Variants in AKAP13 observed in about 807,000 individuals in gnomAD.
AKAP13 encodes A-kinase anchor protein 13.
Under a neutral mutation model 264.5 loss-of-function variants are expected in AKAP13, and 80 were observed. The observed-to-expected ratio is 0.30, with a 90% CI of 0.25 to 0.36. The LOEUF (loss-of-function observed/expected upper bound fraction) is 0.36, where lower values mean the gene tolerates loss of function less well. Ranked by LOEUF, AKAP13 falls within the 10% of genes least tolerant of loss-of-function variation. The pLI, the probability that AKAP13 is intolerant of heterozygous loss-of-function variation, is 1.00. For missense variants in AKAP13, 3,712 were observed against 3,435.2 expected (o/e 1.08, Z -2.01); for synonymous variants, 1,380 against 1,250.2 (o/e 1.10, Z -2.19).
chr15:85,528,631 T>C (rs1428189713), intron 3 of AKAP13, among the ~76,000 whole-genome samples: 1 of 152,174 alleles, frequency 6.6e-6, no homozygotes, highest in Non-Finnish European at 1.5e-5. Flanking sequence ...GCAGTGGAGC[T>C]GGAGTTCAAA....
At chr15:85,650,207 A>T (rs1207453328) in intron 10 of AKAP13, among the ~76,000 whole-genome samples, 1 of 152,178 alleles carries the variant, frequency 6.6e-6, no homozygotes, top group Non-Finnish European at 1.5e-5. Flanking sequence ...AAGTGGGAGG[A>T]CTGCTTGAGT....
Position 85,645,872 on chromosome 15 carries a change from G to A in AKAP13, c.4292G>A (p.Gly1431Asp), listed in dbSNP as rs1283022992. 6.2e-7 allele frequency: 1 copy of A among 1,613,004 alleles called. No individual in the cohort carries two copies. The highest frequency in any genetic ancestry group is 8.5e-7 in the Non-Finnish European group (1 of 1,179,652). The part of the protein sequence containing the change: ...GLGRECTSKQ[G>D]VLKRESGSDS... ...GGCAGAGAGTGTACCTCAAAACAAG[G>A]TGTACTTAAAAGAGAATCTGGGAGT... The change falls in exon 10 of 37, where the codon GGT becomes GAT. Residue 1431 changes from glycine to aspartate, a missense_variant. By Grantham distance (94) the Gly-to-Asp change is moderately conservative. Coordinates refer to ENST00000394518, the MANE Select transcript of AKAP13 (RefSeq NM_007200.5).
At chr15:85,649,178 A>G (rs1192894997) in intron 10 of AKAP13, among the ~76,000 whole-genome samples, 4 of 152,224 alleles carry the variant, frequency 2.6e-5, no homozygotes, top group South Asian at 2.1e-4. Context: ...AACCCTGACA[A>G]GTGGGTGGTT....
At chr15:85,436,852 A>G (rs1196762997) in intron 1 of AKAP13, among the ~76,000 whole-genome samples, 26 of 152,114 alleles carry the variant, frequency 1.7e-4, no homozygotes. Context: ...CTAAATGCCC[A>G]CAAGAGAAAG....
At chr15:85,455,433 T>G (rs1399652587) in intron 1 of AKAP13, among the ~76,000 whole-genome samples, 2 of 152,192 alleles carry the variant, frequency 1.3e-5, no homozygotes, top group African/African-American at 4.8e-5. Context: ...CTTCTCTAAA[T>G]TCCTAGATTT....
chr15:85,512,414 C>CTATAGGAGAAAGGG lies in AKAP13; in HGVS notation c.34-9010_34-9009insGGAGAAAGGGTATA, dbSNP rs1455333628. On this transcript the variant is annotated intron_variant, in intron 2 of 36. Coordinates refer to ENST00000394518, the MANE Select transcript of AKAP13 (RefSeq NM_007200.5). ...TCTTGTTCTTAGCACCCTCTTTCTC[C>CTATAGGAGAAAGGG]TATACCCTGTAGTCCTTCGATGCCT... Among the ~76,000 whole-genome samples the CTATAGGAGAAAGGG allele has an allele frequency of 9.8e-5, 15 of 152,288 alleles. No homozygotes were observed. In the Middle Eastern group the frequency reaches 0.017, roughly 173 times the overall value.
At chr15:85,612,701 T>C (rs2080705281) in intron 8 of AKAP13, among the ~76,000 whole-genome samples, 1 of 151,682 alleles carries the variant, frequency 6.6e-6, no homozygotes, top group Non-Finnish European at 1.5e-5. Flanking sequence ...CACGTGCCTA[T>C]AATCCCCAGA....
intron 1 of AKAP13, among the ~76,000 whole-genome samples, chr15:85,428,466 T>G (rs2072891596): frequency 6.6e-6 from 1 of 152,258 alleles, no homozygotes. Context: ...CCCAAAGTGC[T>G]GGGATTACAG....
chr15:85,406,401 T>TA (rs1300390553), intron 1 of AKAP13, among the ~76,000 whole-genome samples: 1 of 151,162 alleles, frequency 6.6e-6, no homozygotes, highest in Non-Finnish European at 1.5e-5. Flanking sequence ...AAATAGTTTT[T>TA]TTTTTTGTTT....
At chr15:85,564,930 C>G (rs777868904) in intron 5 of AKAP13, among the ~76,000 whole-genome samples, 6 of 152,106 alleles carry the variant, frequency 3.9e-5, no homozygotes, top group Non-Finnish European at 7.4e-5. Flanking sequence ...TTCAGCAAGT[C>G]TTGCTGAGCT....
rs1271651468 is a variant in AKAP13 at position 85,698,483 on chromosome 15, G to GGA, written c.5464+5041_5464+5042dup. ...CTGTCTCCAAAAAAAAAAAAAAAAA[G>GGA]GAGAGAGAGAATATAGGACAGATCA... On this transcript the variant is annotated intron_variant, in intron 17 of 36. Transcript: ENST00000394518. 2.7e-4 allele frequency among the ~76,000 whole-genome samples: 28 copies of GGA among 104,264 alleles called. No individual in the cohort carries two copies. The South Asian group carries it at 8.7e-3, about 32-fold the overall frequency. 68.4% of individuals were successfully genotyped at this position (104,264 alleles called of 152,430 possible). A position where few individuals can be genotyped will look rare whatever the true frequency, so the allele number is the denominator to read the frequency against.
At chr15:85,726,999 T>C (rs1701657285) in intron 27 of AKAP13, 67 bp from the exon 28 acceptor site, 6 of 1,570,106 alleles carry the variant, frequency 3.8e-6, no homozygotes, top group Non-Finnish European at 5.2e-6. Flanking sequence ...TACCTTAGAT[T>C]GAAGCTGTCC....
At chr15:85,669,012 C>T (rs927719482) in intron 13 of AKAP13, among the ~76,000 whole-genome samples, 6 of 151,832 alleles carry the variant, frequency 4.0e-5, no homozygotes, top group South Asian at 2.1e-4. Context: ...CCGAGGCAGG[C>T]GGATCACAAG....
At chr15:85,723,427 T>A in intron 26 of AKAP13, 107 bp downstream of exon 26, 1 of 1,478,512 alleles carries the variant, frequency 6.8e-7, no homozygotes, top group South Asian at 1.3e-5. Context: ...AGAGAGCCCA[T>A]CTCTAAACAC....
intron 1 of AKAP13, among the ~76,000 whole-genome samples, chr15:85,455,033 T>C (rs888979804): frequency 6.6e-6 from 1 of 152,158 alleles, no homozygotes; most frequent in African/African-American, 2.4e-5. Flanking sequence ...AGGACCTGGG[T>C]GTTTTGATGG....
chr15:85,605,912 T>C (rs2151378898), intron 8 of AKAP13, among the ~76,000 whole-genome samples: 1 of 152,236 alleles, frequency 6.6e-6, no homozygotes, highest in Admixed American at 6.5e-5. Flanking sequence ...CTCCATTTAA[T>C]GATAAATTTC....
chr15:85,539,758 G>T lies in AKAP13; in HGVS notation c.479-4014G>T, dbSNP rs143560185. 1.7e-4 allele frequency among the ~76,000 whole-genome samples: 26 copies of T among 152,214 alleles called. No individual in the cohort carries two copies. The East Asian group carries it at 5.0e-3, about 29-fold the overall frequency. On this transcript the variant is annotated intron_variant, in intron 4 of 36. Transcript: ENST00000394518. ...TCTGCCTTCCTTCTCTGTGGGTAGA[G>T]GCTAAGCCTACAGAGATCTTTCCAA...
At chr15:85,717,037 T>G (rs1339331928) in intron 20 of AKAP13, 1 of 410,614 alleles carries the variant, frequency 2.4e-6, no homozygotes, top group Non-Finnish European at 4.3e-6. Flanking sequence ...AAAGTTCCCC[T>G]TGCTTCTTAT....
intron 10 of AKAP13, among the ~76,000 whole-genome samples, chr15:85,651,121 A>G (rs934655068): frequency 6.6e-6 from 1 of 152,206 alleles, no homozygotes; most frequent in Admixed American, 6.5e-5. Context: ...TTTTATGTTT[A>G]TAATGTTTAT....
Sources: gnomAD v4.1 joint callset for allele counts (sites outside exome capture counted in the v4.1 genomes callset) on GRCh38, gnomAD v4.1.1 for gene constraint, MANE v1.5 for transcripts, NCBI Gene and HGNC (gene_info 2026-07-23, HGNC 2026-07-21) for gene names.